CPNE7: variants seen among roughly 807,000 people sequenced by gnomAD.
The protein encoded by CPNE7 is copine 7, also known as copine-7.
A neutral mutation model predicts 66.5 loss-of-function variants in CPNE7; 78 were observed. The ratio of observed to expected loss-of-function variants is 1.17; its 90% CI spans 0.98 to 1.42. The LOEUF is 1.42. CPNE7 is among the 40% of genes most tolerant of loss of function. CPNE7 has a pLI of 0.00. For missense variants in CPNE7, 1,012 were observed against 776.6 expected (o/e 1.30, Z -3.60); for synonymous variants, 468 against 336.7 (o/e 1.39, Z -4.27).
chr16:89,585,560 G>T lies in CPNE7; in HGVS notation c.681+7G>T, dbSNP rs376846178. The T allele has an allele frequency of 1.7e-5, 27 of 1,608,088 alleles. No individual in the cohort carries two copies. In the African/African-American group the frequency reaches 1.9e-4, roughly 11 times the overall value. ...GGAGACAAGGCCTCTAAAGGTGGGG[G>T]ACGGGATGGACCAAGGGGGCAGTGA... On this transcript the variant is annotated splice_region_variant and intron_variant, in intron 6 of 14. Transcript: ENST00000319518.
intron 2 of CPNE7, chr16:89,578,808 G>C (rs753780727): frequency 3.2e-6 from 5 of 1,548,306 alleles, no homozygotes; most frequent in African/African-American, 1.4e-5. Context: ...CAGGTCCTAC[G>C]GTGGCCACTG....
At chr16:89,579,717 C>G (rs557447485) in intron 2 of CPNE7, among the ~76,000 whole-genome samples, 5 of 151,548 alleles carry the variant, frequency 3.3e-5, no homozygotes, top group African/African-American at 1.2e-4. Flanking sequence ...CATCCCATCA[C>G]CCATCACACG....
rs1221560958 is a variant in CPNE7, at chr16:89,596,654, G to T, written c.*33G>T. 6.4e-7 allele frequency: 1 copy of T among 1,563,316 alleles called. No individual in the cohort carries two copies. Among genetic ancestry groups the T allele is most frequent in the South Asian group, 1.2e-5 (1 of 85,548 alleles). ...GAGGGCGTAGGGTGGGGGCAGTGAG[G>T]AATGGGTCCGTACAGCCTCTGTCTG... On this transcript the variant is annotated 3_prime_UTR_variant, in exon 15 of 15. Transcript: ENST00000319518.
At chr16:89,588,986 CTG>C (rs1281620521) in intron 10 of CPNE7, among the ~76,000 whole-genome samples, 178 bp downstream of exon 10, 2 of 152,180 alleles carry the variant, frequency 1.3e-5, no homozygotes, top group Admixed American at 6.6e-5. Context: ...GAGGTGGGCA[CTG>C]TGAGTTTGTC....
chr16:89,583,704 C>T lies in CPNE7; in HGVS notation c.365C>T (p.Ala122Val). ...GMECTLGQIV[A>V]QKKVTRPLLL... ...GACGCCTCTGACTTACAGATTGTGG[C>T]CCAGAAGAAGGTGACCCGCCCGCTG... The change falls in exon 3 of 15, where the codon GCC becomes GTC. Residue 122 changes from alanine (A) to valine (V), a missense_variant. Physicochemically the swap from Ala to Val is moderately conservative, Grantham distance 64 (BLOSUM62 0). Transcript: ENST00000319518. The T allele has an allele frequency of 5.0e-6, 8 of 1,612,772 alleles. No individual in the cohort carries two copies. Among genetic ancestry groups the T allele is most frequent in the East Asian group, 2.2e-5 (1 of 44,858 alleles).
Position 89,584,129 on chromosome 16 carries a change from G to C in CPNE7, c.507+27G>C, listed in dbSNP as rs1304710914. 2 of 1,597,866 alleles carry C rather than the reference G, an allele frequency of 1.3e-6. No homozygotes were observed. Among genetic ancestry groups the C allele is most frequent in the Non-Finnish European group, 1.7e-6 (2 of 1,173,684 alleles). On this transcript the variant is annotated intron_variant, in intron 4 of 14. Transcript: ENST00000319518. This position sits in a 1 kb window ranked among gnomAD's most constrained non-coding sequence, Gnocchi z 6.0. ...TGAGTGCAGGTGCCGGGCACGCCTG[G>C]CTCAGGCTGAGGTCCGGGAACCGGT...
chr16:89,592,228 A>C (rs1439397291), intron 13 of CPNE7, among the ~76,000 whole-genome samples: 40 of 105,322 alleles, frequency 3.8e-4, no homozygotes, highest in Middle Eastern at 0.019. Flanking sequence ...GTTAGCGAGG[A>C]TGGTCTCGAT....
rs1164506144 is a variant in CPNE7, at chr16:89,585,779, G to C, written c.774G>C (p.Glu258Asp). The change falls in exon 7 of 15, where the codon GAG (glutamate) becomes GAC (aspartate). Residue 258 changes from glutamate (E) to aspartate (D), a missense_variant. By Grantham distance (45) the Glu-to-Asp change is conservative. Transcript: ENST00000319518. The stretch of plus-strand genomic sequence containing the variant: ...AGGAGATGCAGAAGGCCTTTGAGGA[G>C]GGGCAGGTGAGCAGGACGGGGTAGG... ...TFEEMQKAFE[E>D]GQAQWDCVNP... is the part of the protein sequence containing the mutation. 1 of 1,535,744 alleles carries C rather than the reference G, an allele frequency of 6.5e-7. No individual in the cohort carries two copies. The highest frequency in any genetic ancestry group is 1.7e-4 in the Middle Eastern group (1 of 5,978).
At chr16:89,582,837 A>G (rs101151) in intron 2 of CPNE7, among the ~76,000 whole-genome samples, 107,051 of 152,214 alleles carry the variant, frequency 0.7, 38,683 homozygotes, top group South Asian at 0.83. Flanking sequence ...GGAAGCACAC[A>G]CCTGCTACCT....
At chr16:89,588,506 G>A (rs1028669269) in intron 9 of CPNE7, among the ~76,000 whole-genome samples, 169 bp from the exon 10 acceptor site, 1 of 152,120 alleles carries the variant, frequency 6.6e-6, no homozygotes, top group Non-Finnish European at 1.5e-5. Flanking sequence ...GACCTCTCCT[G>A]GCCCTGTGTA....
rs754575704 is a variant in CPNE7, at chr16:89,595,415, G to A, written c.1351G>A (p.Ala451Thr). 3.1e-6 allele frequency: 5 copies of A among 1,600,996 alleles called. 1 individual carries two copies. Among genetic ancestry groups the A allele is most frequent in the South Asian group, 2.2e-5 (2 of 90,452 alleles). Residue 451 changes from alanine to threonine, a missense_variant, in exon 14 of 15, where the codon GCC (alanine) becomes ACC (threonine). Transcript: ENST00000319518. ...GACGGACGGCGTGGTGACCGACATG[G>A]CCGACACACGGGAGGCCATTGTGCG... Reference protein sequence around the residue: ...ILTDGVVTDMADTREAIVRAS... With the variant: ...ILTDGVVTDMTDTREAIVRAS...
At chr16:89,576,767 C>A (rs936371880) in intron 1 of CPNE7, among the ~76,000 whole-genome samples, 3 of 152,200 alleles carry the variant, frequency 2.0e-5, no homozygotes, top group African/African-American at 7.2e-5. Flanking sequence ...TCTCTCCAGG[C>A]TCCAGCGCGG....
At chr16:89,591,921 A>T (rs953488618) in intron 13 of CPNE7, among the ~76,000 whole-genome samples, 3 of 151,260 alleles carry the variant, frequency 2.0e-5, no homozygotes, top group African/African-American at 7.3e-5. Flanking sequence ...AGCTGGTCTC[A>T]AACTCCTGAC....
intron 13 of CPNE7, among the ~76,000 whole-genome samples, chr16:89,592,883 G>A (rs2059196736): frequency 7.0e-6 from 1 of 142,722 alleles, no homozygotes; most frequent in African/African-American, 2.7e-5. Flanking sequence ...CGTGATCTCG[G>A]CTCACTGCAA....
rs2059121908 is a variant in CPNE7 at position 89,588,616 on chromosome 16, C to G, written c.928-59C>G. 3 of 1,604,626 alleles carry G rather than the reference C, an allele frequency of 1.9e-6. No individual in the cohort carries two copies. The African/African-American group carries it at 4.0e-5, about 21-fold the overall frequency. On this transcript the variant is annotated intron_variant, in intron 9 of 14. Coordinates refer to ENST00000319518, the MANE Select transcript of CPNE7 (RefSeq NM_153636.3). ...CTCTGGGCGTGGTTTCTCTACCTGT[C>G]AGGAGCGGGTTCGGGGAGCCCCGGC...
intron 7 of CPNE7, 26 bp from the exon 8 acceptor site, chr16:89,586,644 G>C (rs1188547128): frequency 1.3e-6 from 2 of 1,593,564 alleles, no homozygotes; most frequent in African/African-American, 1.3e-5. Context: ...ACCACTCTGG[G>C]GGGCCTCTGC....
chr16:89,591,035 A>T lies in CPNE7; in HGVS notation c.1145A>T (p.Asn382Ile). Residue 382 changes from asparagine (N) to isoleucine (I), a missense_variant, in exon 12 of 15, where the codon AAC becomes ATC. By Grantham distance (149) the Asn-to-Ile change is moderately radical. Transcript: ENST00000319518. ...EVSHDFAINF[N>I]PEDDECEGIQ... ...TCCCATGACTTTGCCATCAATTTCA[A>T]CCCTGAGGACGATGAGTGTGAAGGT... is the stretch of plus-strand genomic sequence containing the variant. The T allele has an allele frequency of 6.2e-7, 1 of 1,613,110 alleles. No homozygotes were observed. The highest frequency in any genetic ancestry group is 8.5e-7 in the Non-Finnish European group (1 of 1,179,770).
At chr16:89,591,776 T>C (rs1186008091) in intron 13 of CPNE7, among the ~76,000 whole-genome samples, 2 of 151,924 alleles carry the variant, frequency 1.3e-5, no homozygotes, top group Non-Finnish European at 2.9e-5. Context: ...CCCAGCTCAC[T>C]GCAACCTCTG....
At chr16:89,587,309 T>TGCC in intron 9 of CPNE7, among the ~76,000 whole-genome samples, 4 of 108 alleles carry the variant, frequency 0.037, 2 homozygotes, top group African/African-American at 0.077. Flanking sequence ...GCCCCGCCCA[T>TGCC]CCCCGCCCCC....
Sources: allele counts gnomAD v4.1 joint callset (sites outside exome capture counted in the v4.1 genomes callset), GRCh38; gene constraint gnomAD v4.1.1; non-coding constraint Gnocchi (gnomAD v3.1); transcripts MANE v1.5; gene names NCBI Gene and HGNC (gene_info 2026-07-23, HGNC 2026-07-21).